The following ASIC2 variants were observed in gnomAD, a reference collection of about 807,000 sequenced individuals.
ASIC2 encodes the protein acid-sensing ion channel 2.
ASIC2 carries 25 observed loss-of-function variants against 57.3 expected under a neutral mutation model. That is an observed-to-expected ratio of 0.44 (90% CI 0.32 to 0.61). ASIC2 has a LOEUF of 0.61. Among genes scored for constraint, ASIC2 ranks in the 20% least tolerant of loss-of-function variants. The probability of loss-of-function intolerance (pLI) is 0.06; values close to 1 mark genes in which losing one functional copy is unlikely to be tolerated. For synonymous variants in ASIC2, 319 were observed against 307.5 expected (o/e 1.04, Z -0.39); for missense variants, 641 against 738.1 (o/e 0.87, Z 1.52).
At chr17:33,946,311 GT>G (rs57795503) in intron 1 of ASIC2, among the ~76,000 whole-genome samples, 19,521 of 152,124 alleles carry the variant, frequency 0.13, 1,404 homozygotes, top group South Asian at 0.22. Context: ...GGGACAGGTT[GT>G]TGGGTCTGGG....
At chr17:33,384,750 A>G (rs1909613943) in intron 1 of ASIC2, among the ~76,000 whole-genome samples, 1 of 152,146 alleles carries the variant, frequency 6.6e-6, no homozygotes, top group African/African-American at 2.4e-5. Flanking sequence ...TTGCAAATAG[A>G]CTTAGCCCTC....
At chr17:33,841,787 C>T (rs1321778556) in intron 1 of ASIC2, among the ~76,000 whole-genome samples, 3 of 152,158 alleles carry the variant, frequency 2.0e-5, no homozygotes, top group African/African-American at 7.2e-5. Flanking sequence ...TGTCAAATCC[C>T]TATCAACCTC....
At chr17:33,105,302 C>T (rs556049366) in intron 2 of ASIC2, among the ~76,000 whole-genome samples, 4 of 152,196 alleles carry the variant, frequency 2.6e-5, no homozygotes, top group South Asian at 2.1e-4. Context: ...GAATAAGTCT[C>T]ATGAGATCTG....
intron 1 of ASIC2, among the ~76,000 whole-genome samples, chr17:33,278,842 G>A (rs973991095): frequency 1.9e-4 from 29 of 152,184 alleles, no homozygotes; most frequent in Admixed American, 2.6e-4. Flanking sequence ...AAGGCACAGC[G>A]TTAGGTGCTG....
rs1244657323 is a variant in ASIC2 at position 33,982,660 on chromosome 17, C to T, written c.555+173318G>A. ...ATAGGTCGTTTCCTATCATGTTGAC[C>T]TGGTAAATTCCTATCTACCTTTGAA... On this transcript the variant is annotated intron_variant, in intron 1 of 9. Transcript: ENST00000359872. Among the ~76,000 whole-genome samples the T allele has an allele frequency of 2.6e-5, 4 of 152,142 alleles. No homozygotes were observed. The East Asian group carries it at 5.8e-4, about 22-fold the overall frequency.
At chr17:33,516,120 CAAA>C (rs1914558893) in intron 1 of ASIC2, among the ~76,000 whole-genome samples, 2 of 150,896 alleles carry the variant, frequency 1.3e-5, no homozygotes, top group Non-Finnish European at 3.0e-5. Flanking sequence ...CAAAACAAAA[CAAA>C]ACAAAACAAA....
At chr17:33,155,654 G>A (rs1904976269) in intron 1 of ASIC2, among the ~76,000 whole-genome samples, 1 of 150,310 alleles carries the variant, frequency 6.7e-6, no homozygotes, top group South Asian at 2.1e-4. Flanking sequence ...CAGCCTCCCG[G>A]GTTCAAGCAA....
At chr17:34,033,658 G>T (rs150873541) in intron 1 of ASIC2, among the ~76,000 whole-genome samples, 1 of 151,944 alleles carries the variant, frequency 6.6e-6, no homozygotes, top group Non-Finnish European at 1.5e-5. Context: ...TCAAATAGAC[G>T]CAATAAAAAA....
intron 1 of ASIC2, among the ~76,000 whole-genome samples, chr17:33,934,268 C>G (rs917820117): frequency 6.6e-6 from 1 of 152,232 alleles, no homozygotes; most frequent in Non-Finnish European, 1.5e-5. Context: ...ACAGCCTTCT[C>G]CTTGCTCACC....
chr17:33,539,556 A>G (rs1303009503), intron 1 of ASIC2, among the ~76,000 whole-genome samples: 1 of 152,216 alleles, frequency 6.6e-6, no homozygotes, highest in East Asian at 1.9e-4. Context: ...TTAACATTCA[A>G]TGCCTTGTAG....
chr17:33,194,437 T>C (rs1176980049), intron 1 of ASIC2, among the ~76,000 whole-genome samples: 2 of 152,174 alleles, frequency 1.3e-5, no homozygotes, highest in Non-Finnish European at 2.9e-5. Context: ...AGGATAGATA[T>C]GAAATTGCTC....
chr17:33,323,023 C>T (rs890112174), intron 1 of ASIC2, among the ~76,000 whole-genome samples: 1 of 152,092 alleles, frequency 6.6e-6, no homozygotes, highest in Non-Finnish European at 1.5e-5. Flanking sequence ...TGAACATACC[C>T]ACAAATAACC....
chr17:33,594,879 A>G (rs1904935983), intron 1 of ASIC2, among the ~76,000 whole-genome samples: 1 of 151,670 alleles, frequency 6.6e-6, no homozygotes. Context: ...GCTCAGGCCT[A>G]GAGAAATTGA....
intron 1 of ASIC2, among the ~76,000 whole-genome samples, chr17:34,087,752 T>A (rs1910165807): frequency 6.7e-6 from 1 of 149,284 alleles, no homozygotes; most frequent in African/African-American, 2.5e-5. Context: ...TTTATTCTTG[T>A]TTCTCTAAAC....
chr17:33,516,346 ATGTGTG>A (rs33997140), intron 1 of ASIC2, among the ~76,000 whole-genome samples: 353 of 149,816 alleles, frequency 2.4e-3, no homozygotes, highest in Non-Finnish European at 3.6e-3. Flanking sequence ...GTGTGTTTGT[ATGTGTG>A]TGTGTGTGTG....
chr17:33,423,574 G>A lies in ASIC2; in HGVS notation c.556-311507C>T, dbSNP rs192617399. Reference sequence around the variant, plus strand: ...TTTGTCCTTCCTTCTCCAGGGTGTAGCACCCTATGGTAGACTTGCCTTCCT... The same window carrying A: ...TTTGTCCTTCCTTCTCCAGGGTGTAACACCCTATGGTAGACTTGCCTTCCT... On this transcript the variant is annotated intron_variant, in intron 1 of 9. Transcript: ENST00000359872. 2.1e-3 allele frequency among the ~76,000 whole-genome samples: 323 copies of A among 152,228 alleles called. 3 individuals are homozygous for A. Among genetic ancestry groups the A allele is most frequent in the African/African-American group, 7.5e-3 (310 of 41,538 alleles).
At chr17:33,773,656 G>GT (rs113663094) in intron 1 of ASIC2, among the ~76,000 whole-genome samples, 51,296 of 136,784 alleles carry the variant, frequency 0.38, 11,859 homozygotes, top group Non-Finnish European at 0.53. Flanking sequence ...TAGTCTCTCT[G>GT]TTTTTTTTTT....
intron 1 of ASIC2, among the ~76,000 whole-genome samples, chr17:33,299,172 A>G (rs765129638): frequency 6.6e-6 from 1 of 152,056 alleles, no homozygotes; most frequent in Non-Finnish European, 1.5e-5. Context: ...GGCATCACAC[A>G]ACCTGACTTC....
chr17:33,394,702 C>T (rs1322285208), intron 1 of ASIC2, among the ~76,000 whole-genome samples: 1 of 152,098 alleles, frequency 6.6e-6, no homozygotes, highest in Non-Finnish European at 1.5e-5. Context: ...AGTTTTGTAC[C>T]TTAGACTCCT....
Sources: allele counts gnomAD v4.1 joint callset (sites outside exome capture counted in the v4.1 genomes callset), GRCh38; gene constraint gnomAD v4.1.1; transcripts MANE v1.5; gene names NCBI Gene and HGNC (gene_info 2026-07-23, HGNC 2026-07-21).